ANKRD36: variants seen among roughly 807,000 people sequenced by gnomAD.
ANKRD36 encodes ankyrin repeat domain-containing protein 36A.
A neutral mutation model predicts 278.1 loss-of-function variants in ANKRD36; 179 were observed. That is an observed-to-expected ratio of 0.64 (90% CI 0.57 to 0.73). The LOEUF (loss-of-function observed/expected upper bound fraction) is 0.73, where lower values mean the gene tolerates loss of function less well. Ranked by LOEUF, ANKRD36 falls within the 30% of genes least tolerant of loss-of-function variation. The pLI is 0.00. For synonymous variants in ANKRD36, 320 were observed against 641.1 expected (o/e 0.50, Z 7.57); for missense variants, 1,159 against 1,956.7 (o/e 0.59, Z 7.69).
rs760255349 is a variant in ANKRD36 at position 97,207,833 on chromosome 2, C to T, written c.3186C>T (p.Gly1062=). The part of the protein sequence containing the change: ...SRTVSSEKPS[G]LKATSAEKDS... Reference sequence around the variant, plus strand: ...CAGTGTCTTCTGAGAAACCATCAGGCTTGAAGGTAATGAAACTGTCATTTA... The same window carrying T: ...CAGTGTCTTCTGAGAAACCATCAGGTTTGAAGGTAATGAAACTGTCATTTA... Residue 1062 remains glycine, a synonymous_variant, in exon 53 of 76, where the codon GGC becomes GGT. Coordinates refer to ENST00000420699, the MANE Select transcript of ANKRD36 (RefSeq NM_001354587.1). The T allele has an allele frequency of 2.2e-5, 34 of 1,546,480 alleles. 1 individual carries two copies. The highest frequency in any genetic ancestry group is 7.9e-5 in the Admixed American group (4 of 50,920).
At chr2:97,180,875 A>T (rs1342093505) in intron 24 of ANKRD36, among the ~76,000 whole-genome samples, 1 of 151,676 alleles carries the variant, frequency 6.6e-6, no homozygotes, top group Non-Finnish European at 1.5e-5. Context: ...TAATGCTTGT[A>T]GCAGTTTTAC....
At chr2:97,227,541 T>A (rs2070274073) in intron 67 of ANKRD36, among the ~76,000 whole-genome samples, 2 of 152,222 alleles carry the variant, frequency 1.3e-5, no homozygotes, top group East Asian at 3.9e-4. Flanking sequence ...ACAATGGGGT[T>A]TTCTAGATAT....
chr2:97,213,094 T>A (rs998586821), intron 58 of ANKRD36: 5 of 429,086 alleles, frequency 1.2e-5, no homozygotes, highest in South Asian at 1.0e-4. Context: ...TGATTCTCAA[T>A]TGTATGAGTT....
At chr2:97,172,899 A>G (rs1453188450) in intron 22 of ANKRD36, among the ~76,000 whole-genome samples, 1 of 151,836 alleles carries the variant, frequency 6.6e-6, no homozygotes, top group Non-Finnish European at 1.5e-5. Context: ...CTGTAAATAG[A>G]GGAATTTTCA....
At chr2:97,123,660 G>A (rs1410155269) in intron 4 of ANKRD36, among the ~76,000 whole-genome samples, 1 of 119,692 alleles carries the variant, frequency 8.4e-6, no homozygotes, top group Admixed American at 9.0e-5. Context: ...CCAGCTAACA[G>A]AGCAAGGTGC....
chr2:97,170,436 C>G (rs1253284501), intron 22 of ANKRD36, among the ~76,000 whole-genome samples: 1 of 151,710 alleles, frequency 6.6e-6, no homozygotes, highest in Non-Finnish European at 1.5e-5. Flanking sequence ...ACAAACCTGA[C>G]AAAAACAAGA....
At chr2:97,218,554 C>T (rs1315057764) in intron 64 of ANKRD36, among the ~76,000 whole-genome samples, 1 of 151,500 alleles carries the variant, frequency 6.6e-6, no homozygotes, top group African/African-American at 2.4e-5. Context: ...ACACTGAAGA[C>T]ACGTGAAGTG....
intron 66 of ANKRD36, among the ~76,000 whole-genome samples, chr2:97,219,905 GT>G (rs1339755040): frequency 6.9e-6 from 1 of 145,422 alleles, no homozygotes; most frequent in Non-Finnish European, 1.5e-5. Flanking sequence ...TAAAATATTT[GT>G]TTTGCTTTAA....
At chr2:97,126,411 G>T (rs186133237) in intron 5 of ANKRD36, among the ~76,000 whole-genome samples, 198 of 151,470 alleles carry the variant, frequency 1.3e-3, no homozygotes, top group African/African-American at 4.4e-3. Flanking sequence ...TAACAATCGT[G>T]TTACCTATTT....
intron 38 of ANKRD36, among the ~76,000 whole-genome samples, chr2:97,193,368 G>T (rs2058959605): frequency 7.3e-6 from 1 of 136,880 alleles, no homozygotes; most frequent in African/African-American, 2.6e-5. Flanking sequence ...AGGGTGGAAG[G>T]AGAAAGAGAG....
In ANKRD36 at chr2:97,185,467, G is replaced by T. The variant is rs1559539206; in HGVS notation, c.1998G>T (p.Leu666Phe). 1 of 1,610,878 alleles carries T rather than the reference G, an allele frequency of 6.2e-7. No individual in the cohort carries two copies. Among genetic ancestry groups the T allele is most frequent in the Non-Finnish European group, 8.5e-7 (1 of 1,178,500 alleles). Residue 666 changes from leucine to phenylalanine, a missense_variant, in exon 30 of 76, where the codon TTG becomes TTT. Transcript: ENST00000420699. The part of the protein sequence containing the change: ...KATSDKTDSA[L>F]NIATEIKDGL... ...CAAGTGACAAGACAGATTCTGCTTT[G>T]AATATAGCTACAGAAATAAAGGATG...
At chr2:97,208,626 A>T (rs1280024010) in intron 54 of ANKRD36, among the ~76,000 whole-genome samples, 1 of 146,596 alleles carries the variant, frequency 6.8e-6, no homozygotes, top group East Asian at 2.0e-4. Flanking sequence ...AAACAGTGGT[A>T]TAATTGGAAT....
Position 97,164,472 on chromosome 2 carries a change from A to G in ANKRD36, c.1531+3A>G, listed in dbSNP as rs1433153805. 6.5e-7 allele frequency: 1 copy of G among 1,535,700 alleles called. No individual in the cohort carries two copies. Among genetic ancestry groups the G allele is most frequent in the African/African-American group, 1.4e-5 (1 of 73,046 alleles). The stretch of plus-strand genomic sequence containing the variant: ...GGATTCACTAACTTCCAGTGAAGGT[A>G]AATTTGCCGCTACAAATTTCGTTCT... On this transcript the variant is annotated splice_donor_region_variant and intron_variant, in intron 20 of 75. Coordinates refer to ENST00000420699, the MANE Select transcript of ANKRD36 (RefSeq NM_001354587.1).
Position 97,154,615 on chromosome 2 carries a change from T to G in ANKRD36, c.1194-60T>G, listed in dbSNP as rs2047000621. 3.6e-6 allele frequency: 5 copies of G among 1,382,138 alleles called. 2 individuals are homozygous for G. Among genetic ancestry groups the G allele is most frequent in the Non-Finnish European group, 4.9e-6 (5 of 1,010,678 alleles). 85.6% of individuals were successfully genotyped at this position (1,382,138 alleles called of 1,614,324 possible). A position where few individuals can be genotyped will look rare whatever the true frequency, so the allele number is the denominator to read the frequency against. ...GGGACCTGCATGTATAGACTGACGGTTTTTGTTTTCTTTTAAGAAATGAAC... is the reference window on the plus strand; with the variant it reads ...GGGACCTGCATGTATAGACTGACGGGTTTTGTTTTCTTTTAAGAAATGAAC... On this transcript the variant is annotated intron_variant, in intron 14 of 75. Transcript: ENST00000420699.
chr2:97,202,263 T>G (rs2061585280), intron 47 of ANKRD36, 33 bp downstream of exon 47: 1 of 1,607,040 alleles, frequency 6.2e-7, no homozygotes, highest in South Asian at 1.1e-5. Flanking sequence ...TGTGAACGAG[T>G]TAATGTATGG....
Position 97,196,805 on chromosome 2 carries a change from A to T in ANKRD36, c.2653+17A>T. On this transcript the variant is annotated intron_variant, in intron 42 of 75. Coordinates refer to ENST00000420699, the MANE Select transcript of ANKRD36 (RefSeq NM_001354587.1). ...CTAGGACAGGTAATTCTGAAAACAGATTTAATGTCATGTTCAGTCCAGATA... is the reference window on the plus strand; with the variant it reads ...CTAGGACAGGTAATTCTGAAAACAGTTTTAATGTCATGTTCAGTCCAGATA... The T allele has an allele frequency of 6.5e-7, 1 of 1,544,836 alleles. No homozygotes were observed. Among genetic ancestry groups the T allele is most frequent in the African/African-American group, 1.4e-5 (1 of 73,002 alleles).
intron 58 of ANKRD36, among the ~76,000 whole-genome samples, chr2:97,212,020 T>C (rs527471872): frequency 7.9e-5 from 12 of 151,976 alleles, no homozygotes; most frequent in African/African-American, 2.6e-4. Flanking sequence ...ATCATTTTGC[T>C]TTAATTCTAC....
chr2:97,190,637 A>T (rs1459068905), intron 34 of ANKRD36, among the ~76,000 whole-genome samples: 1 of 151,556 alleles, frequency 6.6e-6, no homozygotes, highest in Non-Finnish European at 1.5e-5. Context: ...ACCTGCTTTG[A>T]CATTGATTCT....
chr2:97,202,816 CTTG>C (rs2061767448), intron 48 of ANKRD36, among the ~76,000 whole-genome samples: 1 of 151,774 alleles, frequency 6.6e-6, no homozygotes, highest in Non-Finnish European at 1.5e-5. Context: ...TAAGGAGACC[CTTG>C]TTGTAGCAAT....
Sources: allele counts gnomAD v4.1 joint callset (sites outside exome capture counted in the v4.1 genomes callset), GRCh38; gene constraint gnomAD v4.1.1; transcripts MANE v1.5; gene names NCBI Gene and HGNC (gene_info 2026-07-23, HGNC 2026-07-21).